Variants in BBS7 observed in about 807,000 individuals in gnomAD.
The protein encoded by BBS7 is BBSome complex member BBS7.
Under a neutral mutation model 90.3 loss-of-function variants are expected in BBS7, and 50 were observed. The observed-to-expected ratio is 0.55, with a 90% CI of 0.44 to 0.70. The LOEUF (loss-of-function observed/expected upper bound fraction) is 0.70, where lower values mean the gene tolerates loss of function less well. Among genes scored for constraint, BBS7 ranks in the 30% least tolerant of loss-of-function variants. The probability of loss-of-function intolerance (pLI) is 0.00; values close to 1 mark genes in which losing one functional copy is unlikely to be tolerated. For synonymous variants in BBS7, 235 were observed against 287.4 expected (o/e 0.82, Z 1.85); for missense variants, 729 against 838.9 (o/e 0.87, Z 1.62).
rs189204533 is a variant in BBS7, at chr4:121,834,394, A to G, written c.1511+750T>C. ...CTGTTCTCTTAAATGTTTCCAAAAA[A>G]TCTTCTTTAGGAATAGTCTGTCTTA... On this transcript the variant is annotated intron_variant, in intron 14 of 18. Transcript: ENST00000264499. Among the ~76,000 whole-genome samples, 516 of 152,278 alleles carry G rather than the reference A, an allele frequency of 3.4e-3. 1 individual carries two copies. Among genetic ancestry groups the G allele is most frequent in the African/African-American group, 0.012 (482 of 41,568 alleles).
intron 5 of BBS7, among the ~76,000 whole-genome samples, chr4:121,857,354 A>G (rs1431875740): frequency 6.6e-6 from 1 of 152,014 alleles, no homozygotes; most frequent in East Asian, 1.9e-4. Flanking sequence ...CCTGGAGTCA[A>G]GTGATCCTCC....
At chr4:121,838,622 G>C (rs1232107192) in intron 13 of BBS7, among the ~76,000 whole-genome samples, 3 of 152,052 alleles carry the variant, frequency 2.0e-5, no homozygotes, top group African/African-American at 7.2e-5. Flanking sequence ...AATTCAGATG[G>C]TAGGAAAATA....
rs368093689 is a variant in BBS7, at chr4:121,870,174, C to T, written c.36+104G>A. 4.5e-5 allele frequency: 67 copies of T among 1,486,508 alleles called. No individual in the cohort carries two copies. In the African/African-American group the frequency reaches 5.8e-4, roughly 13 times the overall value. The allele number at this position is 1,486,508 out of a possible 1,614,324, so 92.1% of individuals were successfully genotyped here. ...GCACCCAGCCCGGCTCCTTCGCCTCCGCACCAGCTCCTGGCGACCGAGACT... is the reference window on the plus strand; with the variant it reads ...GCACCCAGCCCGGCTCCTTCGCCTCTGCACCAGCTCCTGGCGACCGAGACT... On this transcript the variant is annotated intron_variant, in intron 1 of 18. Transcript: ENST00000264499.
chr4:121,826,023 AG>A (rs1724890079), intron 18 of BBS7, 30 bp from the exon 19 acceptor site: 1 of 1,544,940 alleles, frequency 6.5e-7, no homozygotes, highest in African/African-American at 1.4e-5. Context: ...ATTTCCTGTC[AG>A]TGATTAGTTA....
chr4:121,843,210 A>G (rs550785030), intron 12 of BBS7, among the ~76,000 whole-genome samples: 2 of 152,294 alleles, frequency 1.3e-5, no homozygotes, highest in African/African-American at 4.8e-5. Flanking sequence ...AGGAATCTAT[A>G]TTTATATCTA....
At chr4:121,853,176 C>T (rs944202694) in intron 7 of BBS7, 90 bp from the exon 8 acceptor site, 36 of 1,407,404 alleles carry the variant, frequency 2.6e-5, no homozygotes, top group African/African-American at 5.8e-5. Flanking sequence ...ACACACATAC[C>T]GACTCAGAAT....
intron 2 of BBS7, among the ~76,000 whole-genome samples, chr4:121,867,680 T>G (rs560217080): frequency 2.3e-4 from 35 of 152,300 alleles, no homozygotes; most frequent in Middle Eastern, 3.4e-3. Context: ...AACATTTTCT[T>G]GATACCTTAT....
At chr4:121,839,823 C>T (rs944791638) in intron 12 of BBS7, 127 bp from the exon 13 acceptor site, 8 of 766,132 alleles carry the variant, frequency 1.0e-5, no homozygotes, top group South Asian at 1.6e-5. Flanking sequence ...GCTTTTCAAA[C>T]ATGTTCTAAC....
At chr4:121,867,907 A>G in intron 2 of BBS7, 74 bp downstream of exon 2, 1 of 1,261,346 alleles carries the variant, frequency 7.9e-7, no homozygotes. Context: ...ATAACTTAAT[A>G]ATAAAGAAGG....
intron 18 of BBS7, among the ~76,000 whole-genome samples, chr4:121,826,381 C>T (rs1475556216): frequency 6.6e-6 from 1 of 152,178 alleles, no homozygotes; most frequent in East Asian, 1.9e-4. Flanking sequence ...AAATATTCCA[C>T]CTATATGTTG....
At chr4:121,861,417 A>G in intron 4 of BBS7, 87 bp downstream of exon 4, 1 of 1,241,408 alleles carries the variant, frequency 8.1e-7, no homozygotes, top group Non-Finnish European at 1.1e-6. Context: ...CAGAAAGCCT[A>G]TTAAGATATG....
chr4:121,828,018 C>A, intron 18 of BBS7, 128 bp downstream of exon 18: 1 of 1,511,078 alleles, frequency 6.6e-7, no homozygotes, highest in Non-Finnish European at 8.8e-7. Context: ...TCAACTGATT[C>A]ATGACTGGTT....
intron 2 of BBS7, among the ~76,000 whole-genome samples, chr4:121,866,778 T>C (rs1256566915): frequency 1.3e-5 from 2 of 152,234 alleles, no homozygotes; most frequent in East Asian, 1.9e-4. Context: ...TTCCATTTTA[T>C]GTTCTCTGTG....
chr4:121,835,461 G>T (rs1725406299), intron 13 of BBS7, among the ~76,000 whole-genome samples, 178 bp from the exon 14 acceptor site: 1 of 152,046 alleles, frequency 6.6e-6, no homozygotes, highest in African/African-American at 2.4e-5. Context: ...CCAATTCATG[G>T]GACAGACTGT....
chr4:121,843,832 A>G, intron 12 of BBS7, 95 bp downstream of exon 12: 2 of 838,310 alleles, frequency 2.4e-6, no homozygotes, highest in Non-Finnish European at 3.9e-6. Flanking sequence ...TAATTGAAAA[A>G]GAAACATCAA....
chr4:121,866,364 T>G (rs1327288386), intron 2 of BBS7, among the ~76,000 whole-genome samples: 2 of 152,130 alleles, frequency 1.3e-5, no homozygotes, highest in African/African-American at 2.4e-5. Context: ...GTTTTGTTTT[T>G]TTGAGATGGA....
At position 121,827,798 on chromosome 4, in the gene BBS7, C is replaced by A. The variant is rs192476165; in HGVS notation, c.2014+348G>T. The A allele has an allele frequency of 1.2e-4, 115 of 959,658 alleles. No individual in the cohort carries two copies. In the African/African-American group the frequency reaches 1.8e-3, roughly 15 times the overall value. The allele number at this position is 959,658 out of a possible 1,614,324, so 59.4% of individuals were successfully genotyped here. ...GCATTTTTATAATTCACAATAGCAA[C>A]AAAACATGACAATTATTTGTGTGAA... On this transcript the variant is annotated intron_variant, in intron 18 of 18. Coordinates refer to ENST00000264499, the MANE Select transcript of BBS7 (RefSeq NM_176824.3).
At chr4:121,833,025 G>A (rs1725270892) in intron 15 of BBS7, among the ~76,000 whole-genome samples, 1 of 151,916 alleles carries the variant, frequency 6.6e-6, no homozygotes, top group Non-Finnish European at 1.5e-5. Context: ...GTTATTGTTG[G>A]GAACTTAGGA....
intron 18 of BBS7, among the ~76,000 whole-genome samples, chr4:121,826,828 A>C (rs1312031776): frequency 6.6e-6 from 1 of 152,032 alleles, no homozygotes; most frequent in Admixed American, 6.6e-5. Context: ...CTAAAAGTAC[A>C]AAAAAATTAG....
Sources: allele counts gnomAD v4.1 joint callset (sites outside exome capture counted in the v4.1 genomes callset), GRCh38; gene constraint gnomAD v4.1.1; transcripts MANE v1.5; gene names NCBI Gene and HGNC (gene_info 2026-07-23, HGNC 2026-07-21).